TFB1M: variants seen among roughly 807,000 people sequenced by gnomAD.
The protein encoded by TFB1M is transcription factor B1, mitochondrial.
Under a neutral mutation model 31.1 loss-of-function variants are expected in TFB1M, and 27 were observed. That is an observed-to-expected ratio of 0.87 (90% CI 0.64 to 1.20). The LOEUF (loss-of-function observed/expected upper bound fraction) is 1.20. Ranked by LOEUF, TFB1M falls within the 50% of genes most tolerant of loss-of-function variation. The probability of loss-of-function intolerance (pLI) is 0.00; values close to 1 mark genes in which losing one functional copy is unlikely to be tolerated. For missense variants in TFB1M, 394 were observed against 418.7 expected (o/e 0.94, Z 0.51); for synonymous variants, 166 against 151.8 (o/e 1.09, Z -0.69).
At chr6:155,250,002 T>G in the TFB1M span, 2 of 1,557,100 alleles carry the variant, frequency 1.3e-6, no homozygotes, top group Non-Finnish European at 1.8e-6. Flanking sequence ...GGGAGCCTAG[T>G]GCATGTGGTG....
intron 5 of TFB1M, among the ~76,000 whole-genome samples, chr6:155,264,955 T>C (rs1784556965): frequency 6.6e-6 from 1 of 152,160 alleles, no homozygotes; most frequent in African/African-American, 2.4e-5. Flanking sequence ...AAAGCACAAA[T>C]GGAACAAGAA....
the TFB1M span, among the ~76,000 whole-genome samples, chr6:155,241,497 C>T: frequency 4.6e-5 from 7 of 152,154 alleles, no homozygotes; most frequent in Admixed American, 2.0e-4. Flanking sequence ...CTGAGACACT[C>T]GGTCCCCCTT....
At chr6:155,236,013 G>T in the TFB1M span, among the ~76,000 whole-genome samples, 3 of 152,016 alleles carry the variant, frequency 2.0e-5, no homozygotes, top group Admixed American at 1.3e-4. Flanking sequence ...CTATAGCCCT[G>T]GGAACTGTTA....
intron 2 of TFB1M, chr6:155,303,320 C>G (rs1777519702): frequency 6.6e-6 from 1 of 152,150 alleles, no homozygotes. Flanking sequence ...AGAATAATGG[C>G]CTCAATAGTT....
chr6:155,311,940 G>C (rs1292079426), intron 1 of TFB1M, among the ~76,000 whole-genome samples: 1 of 152,106 alleles, frequency 6.6e-6, no homozygotes, highest in Non-Finnish European at 1.5e-5. Flanking sequence ...GGTTTTTAAA[G>C]CTTTGCACAC....
At chr6:155,258,907 T>C (rs538108392) in intron 6 of TFB1M, among the ~76,000 whole-genome samples, 1,858 of 141,606 alleles carry the variant, frequency 0.013, 35 homozygotes, top group Non-Finnish European at 0.015. Context: ...GGCCTGATGA[T>C]GGCAGTTTCT....
In TFB1M at chr6:155,314,442, C is replaced by G; in HGVS notation, c.-14G>C. The stretch of plus-strand genomic sequence containing the variant: ...GGAGGCAGCCATGATACGCGGCAAG[C>G]ACCATCCAACCCTACCTCACCCAGG... On this transcript the variant is annotated 5_prime_UTR_variant, in exon 1 of 7. Transcript: ENST00000367166. 1 of 1,614,074 alleles carries G rather than the reference C, an allele frequency of 6.2e-7. No homozygotes were observed. The highest frequency in any genetic ancestry group is 1.1e-5 in the South Asian group (1 of 91,084).
rs548875271 is a variant in TFB1M at position 155,273,785 on chromosome 6, G to T, written c.666+11373C>A. On this transcript the variant is annotated intron_variant, in intron 5 of 6. Transcript: ENST00000367166. ...GCTGCTGAAGACTGTATGACATGGG[G>T]TGATATCCTATCTGAACATTCTGAT... 2.6e-5 allele frequency among the ~76,000 whole-genome samples: 4 copies of T among 152,286 alleles called. 1 individual carries two copies. Among genetic ancestry groups the T allele is most frequent in the African/African-American group, 9.6e-5 (4 of 41,552 alleles).
At chr6:155,311,004 G>C in intron 2 of TFB1M, 184 bp downstream of exon 2, 2 of 672,534 alleles carry the variant, frequency 3.0e-6, no homozygotes, top group Non-Finnish European at 5.1e-6. Context: ...GAGAGTGCTT[G>C]TTAAAAATGG....
chr6:155,282,082 A>G (rs2114730591), intron 5 of TFB1M, among the ~76,000 whole-genome samples: 1 of 152,354 alleles, frequency 6.6e-6, no homozygotes, highest in African/African-American at 2.4e-5. Flanking sequence ...TTTCATTAAC[A>G]GTGAAATGAA....
chr6:155,287,064 A>C (rs767314879), intron 4 of TFB1M, among the ~76,000 whole-genome samples: 45 of 152,192 alleles, frequency 3.0e-4, no homozygotes, highest in East Asian at 7.7e-4. Flanking sequence ...ACAAAGTAGG[A>C]ATATGCAAAT....
chr6:155,281,645 C>T (rs1034339992), intron 5 of TFB1M, among the ~76,000 whole-genome samples: 3 of 145,512 alleles, frequency 2.1e-5, no homozygotes, highest in Admixed American at 7.4e-5. Flanking sequence ...TCATTTGAAC[C>T]CAGAAGGTGG....
chr6:155,285,465 C>A (rs762044779), intron 4 of TFB1M, among the ~76,000 whole-genome samples, 188 bp from the exon 5 acceptor site: 2 of 152,166 alleles, frequency 1.3e-5, no homozygotes, highest in African/African-American at 4.8e-5. Context: ...AACTGAGGTA[C>A]ACCTAAGAAA....
the TFB1M span, among the ~76,000 whole-genome samples, chr6:155,246,581 C>G: frequency 9.2e-5 from 14 of 152,210 alleles, no homozygotes; most frequent in South Asian, 6.2e-4. Flanking sequence ...AGTGATCCTC[C>G]TATCTAGGCC....
At chr6:155,280,351 C>T (rs7759351) in intron 5 of TFB1M, among the ~76,000 whole-genome samples, 86,793 of 151,428 alleles carry the variant, frequency 0.57, 25,663 homozygotes, top group East Asian at 0.84. Context: ...GACTGCCCCA[C>T]TGCTCCCTGC....
chr6:155,237,471 G>A, the TFB1M span, among the ~76,000 whole-genome samples: 1 of 152,250 alleles, frequency 6.6e-6, no homozygotes, highest in Non-Finnish European at 1.5e-5. Flanking sequence ...ACTAGGCGGT[G>A]CCCCAGTAGG....
chr6:155,270,270 G>A (rs9371876), intron 5 of TFB1M, among the ~76,000 whole-genome samples: 18,995 of 152,216 alleles, frequency 0.12, 1,518 homozygotes, highest in Non-Finnish European at 0.19. Flanking sequence ...CAAGTCAGCA[G>A]ACAGAAACAC....
At chr6:155,305,195 T>C (rs1777628439) in intron 2 of TFB1M, among the ~76,000 whole-genome samples, 1 of 72,364 alleles carries the variant, frequency 1.4e-5, no homozygotes, top group Non-Finnish European at 2.2e-5. Flanking sequence ...AAATTATATA[T>C]TTATATATAT....
intron 5 of TFB1M, among the ~76,000 whole-genome samples, chr6:155,266,425 A>G (rs1445726857): frequency 1.3e-5 from 2 of 152,154 alleles, no homozygotes; most frequent in Non-Finnish European, 2.9e-5. Context: ...CTGGAGATTA[A>G]ATTCACTAGA....
Sources: allele counts gnomAD v4.1 joint callset (sites outside exome capture counted in the v4.1 genomes callset), GRCh38; gene constraint gnomAD v4.1.1; transcripts MANE v1.5; gene names NCBI Gene and HGNC (gene_info 2026-07-23, HGNC 2026-07-21).